The following PEAK1 variants were observed in gnomAD, a reference collection of about 807,000 sequenced individuals.
The protein encoded by PEAK1 is pseudopodium enriched atypical kinase 1, also known as inactive tyrosine-protein kinase PEAK1.
In PEAK1, 54 loss-of-function variants were observed where a neutral mutation model predicts 124.7. That is an observed-to-expected ratio of 0.43 (90% CI 0.35 to 0.54). The LOEUF (loss-of-function observed/expected upper bound fraction) is 0.54. Among genes scored for constraint, PEAK1 ranks in the 20% least tolerant of loss-of-function variants. The pLI, the probability that PEAK1 is intolerant of heterozygous loss-of-function variation, is 0.01. For missense variants in PEAK1, 2,046 were observed against 2,134.5 expected (o/e 0.96, Z 0.82); for synonymous variants, 719 against 760.0 (o/e 0.95, Z 0.89).
intron 9 of PEAK1, among the ~76,000 whole-genome samples, chr15:77,126,449 G>C (rs936143221): frequency 1.3e-5 from 2 of 152,082 alleles, no homozygotes; most frequent in Admixed American, 1.3e-4. Flanking sequence ...TTACATCTCT[G>C]AAGTAAAGAG....
At chr15:77,226,964 A>G (rs1444224321) in intron 6 of PEAK1, among the ~76,000 whole-genome samples, 1 of 152,186 alleles carries the variant, frequency 6.6e-6, no homozygotes, top group African/African-American at 2.4e-5. Context: ...ATCTAGCTCC[A>G]GAGTCTACAA....
chr15:77,384,130 T>C (rs550546198), intron 1 of PEAK1, among the ~76,000 whole-genome samples: 1 of 151,826 alleles, frequency 6.6e-6, no homozygotes, highest in Non-Finnish European at 1.5e-5. Context: ...GAAAATAAAT[T>C]AGGTATTCTG....
At chr15:77,261,361 T>C (rs1462786183) in intron 5 of PEAK1, among the ~76,000 whole-genome samples, 2 of 152,012 alleles carry the variant, frequency 1.3e-5, no homozygotes, top group Non-Finnish European at 2.9e-5. Context: ...GGCAAAGAAG[T>C]TAAAAACCTT....
chr15:77,235,877 A>T (rs114648642), intron 6 of PEAK1, among the ~76,000 whole-genome samples: 3,286 of 152,348 alleles, frequency 0.022, 118 homozygotes, highest in African/African-American at 0.074. Flanking sequence ...AAAGGGCCAA[A>T]GTATAGCCTG....
intron 6 of PEAK1, among the ~76,000 whole-genome samples, chr15:77,249,563 G>C (rs982232346): frequency 1.3e-5 from 2 of 152,144 alleles, no homozygotes; most frequent in African/African-American, 4.8e-5. Flanking sequence ...AACCAGCTTG[G>C]ATGGGGCCAG....
At chr15:77,221,696 G>C (rs1274398199) in intron 6 of PEAK1, among the ~76,000 whole-genome samples, 1 of 152,080 alleles carries the variant, frequency 6.6e-6, no homozygotes, top group Non-Finnish European at 1.5e-5. Context: ...ATGTGAGAGA[G>C]AAAAAGGAAT....
intron 6 of PEAK1, among the ~76,000 whole-genome samples, chr15:77,197,964 T>C (rs2058188382): frequency 6.6e-6 from 1 of 152,148 alleles, no homozygotes; most frequent in African/African-American, 2.4e-5. Flanking sequence ...AGGTATGTCA[T>C]GAATACATAA....
intron 1 of PEAK1, among the ~76,000 whole-genome samples, chr15:77,376,604 C>T (rs777032136): frequency 9.2e-5 from 14 of 152,004 alleles, no homozygotes; most frequent in East Asian, 1.9e-4. Context: ...CAGCATATTT[C>T]GAAGATACAC....
At chr15:77,185,166 AT>A (rs904148187) in intron 6 of PEAK1, among the ~76,000 whole-genome samples, 5 of 152,226 alleles carry the variant, frequency 3.3e-5, no homozygotes, top group African/African-American at 7.2e-5. Context: ...TCAAATGATT[AT>A]GGAGCCATTT....
chr15:77,152,365 T>C (rs1336565237), intron 8 of PEAK1, among the ~76,000 whole-genome samples: 1 of 152,092 alleles, frequency 6.6e-6, no homozygotes, highest in South Asian at 2.1e-4. Flanking sequence ...CTGAAGTTGC[T>C]TATCAGCTTA....
Position 77,113,553 on chromosome 15 carries a change from G to A in PEAK1, c.*603C>T, listed in dbSNP as rs2051108701. ...CTTACAGATAATGGCAATGAAAATGGGTCTATGACCCAAGGATGGGATCTC... is the reference window on the plus strand; with the variant it reads ...CTTACAGATAATGGCAATGAAAATGAGTCTATGACCCAAGGATGGGATCTC... On this transcript the variant is annotated 3_prime_UTR_variant, in exon 10 of 10. Coordinates refer to ENST00000682557, the MANE Select transcript of PEAK1 (RefSeq NM_001385026.1). 6.5e-6 allele frequency: 1 copy of A among 154,564 alleles called. No individual in the cohort carries two copies. Among genetic ancestry groups the A allele is most frequent in the South Asian group, 2.0e-4 (1 of 4,942 alleles). 9.6% of individuals were successfully genotyped at this position (154,564 alleles called of 1,614,324 possible).
chr15:77,370,584 A>C, intron 1 of PEAK1: 2 of 494,852 alleles, frequency 4.0e-6, no homozygotes, highest in Non-Finnish European at 5.2e-6. Flanking sequence ...GTGATGACAC[A>C]GAGAATGCCC....
chr15:77,205,245 A>T (rs1567112237), intron 6 of PEAK1: 5 of 154,260 alleles, frequency 3.2e-5, no homozygotes, highest in Admixed American at 6.8e-5. Context: ...ATCTCATCCC[A>T]TTTTTTTTTT....
chr15:77,214,167 A>C (rs139010477), intron 6 of PEAK1, among the ~76,000 whole-genome samples: 1 of 152,012 alleles, frequency 6.6e-6, no homozygotes, highest in Non-Finnish European at 1.5e-5. Flanking sequence ...TGTATTCTTC[A>C]CCAGTTTTCA....
rs1383612763 is a variant in PEAK1 at position 77,108,432 on chromosome 15, T to A, written c.*5724A>T. The A allele has an allele frequency of 2.0e-5, 3 of 152,192 alleles. No homozygotes were observed. The highest frequency in any genetic ancestry group is 2.0e-4 in the Admixed American group (3 of 15,284). The allele number at this position is 152,192 out of a possible 1,614,324, so 9.4% of individuals were successfully genotyped here. ...TCATGATTCAAATCACCAAGTAGAATGAAATCTTGCTTCTGTATTTGCCTC... is the reference window on the plus strand; with the variant it reads ...TCATGATTCAAATCACCAAGTAGAAAGAAATCTTGCTTCTGTATTTGCCTC... On this transcript the variant is annotated 3_prime_UTR_variant, in exon 10 of 10. Coordinates refer to ENST00000682557, the MANE Select transcript of PEAK1 (RefSeq NM_001385026.1).
intron 8 of PEAK1, among the ~76,000 whole-genome samples, chr15:77,152,505 G>A (rs1192689181): frequency 6.6e-6 from 1 of 152,058 alleles, no homozygotes; most frequent in South Asian, 2.1e-4. Flanking sequence ...GATTGCCCTG[G>A]CCAGAACTTC....
chr15:77,138,659 T>G (rs929661615), intron 8 of PEAK1, among the ~76,000 whole-genome samples: 1 of 151,956 alleles, frequency 6.6e-6, no homozygotes, highest in Non-Finnish European at 1.5e-5. Context: ...AGGCCAGGAG[T>G]TTGAGACCAG....
chr15:77,294,762 A>T (rs974015888), intron 2 of PEAK1, among the ~76,000 whole-genome samples: 1 of 152,172 alleles, frequency 6.6e-6, no homozygotes, highest in African/African-American at 2.4e-5. Context: ...TGGACATTAT[A>T]ATATGTATGG....
chr15:77,251,731 C>T lies in PEAK1; in HGVS notation c.-115+636G>A, dbSNP rs138275674. ...ATGGGGATGTCAGGGGGGACAGCAG[C>T]CTTCAATCATGCCATGTGAATGTAC... On this transcript the variant is annotated intron_variant, in intron 6 of 9. Transcript: ENST00000682557. 3.6e-3 allele frequency among the ~76,000 whole-genome samples: 547 copies of T among 152,276 alleles called. 1 individual carries two copies. Among genetic ancestry groups the T allele is most frequent in the African/African-American group, 0.012 (511 of 41,552 alleles).
Sources: gnomAD v4.1 joint callset for allele counts (sites outside exome capture counted in the v4.1 genomes callset) on GRCh38, gnomAD v4.1.1 for gene constraint, MANE v1.5 for transcripts, NCBI Gene and HGNC (gene_info 2026-07-23, HGNC 2026-07-21) for gene names.